Variants in LSM14A observed in about 807,000 individuals in gnomAD.
LSM14A encodes the protein LSM14A mRNA processing body assembly factor.
A neutral mutation model predicts 52.4 loss-of-function variants in LSM14A; 14 were observed. The observed-to-expected ratio is 0.27, with a 90% confidence interval of 0.18 to 0.42. The LOEUF is 0.42. Ranked by LOEUF, LSM14A falls within the 10% of genes least tolerant of loss-of-function variation. LSM14A has a pLI of 1.00. For synonymous variants in LSM14A, 185 were observed against 200.3 expected (o/e 0.92, Z 0.64); for missense variants, 417 against 581.8 (o/e 0.72, Z 2.91).
At chr19:34,182,595 TG>T (rs1222470688) in intron 1 of LSM14A, among the ~76,000 whole-genome samples, 1 of 149,908 alleles carries the variant, frequency 6.7e-6, no homozygotes, top group African/African-American at 2.5e-5. Flanking sequence ...CCTAACACTT[TG>T]GGAGGCCAAG....
At chr19:34,222,197 C>T (rs750688504) in intron 9 of LSM14A, among the ~76,000 whole-genome samples, 3 of 152,140 alleles carry the variant, frequency 2.0e-5, no homozygotes, top group Admixed American at 6.6e-5. Flanking sequence ...AAGTAACTTG[C>T]GAAAGGTCAC....
At chr19:34,221,792 CA>C (rs1433142671) in intron 9 of LSM14A, 54 bp downstream of exon 9, 4 of 1,555,656 alleles carry the variant, frequency 2.6e-6, no homozygotes, top group Non-Finnish European at 3.5e-6. Context: ...TTACAAGACT[CA>C]AAACATTTTT....
chr19:34,225,370 G>C (rs374870446), intron 9 of LSM14A, among the ~76,000 whole-genome samples: 2 of 152,172 alleles, frequency 1.3e-5, no homozygotes, highest in Non-Finnish European at 2.9e-5. Flanking sequence ...GTAGAAAATG[G>C]TGAGTGATCA....
intron 3 of LSM14A, among the ~76,000 whole-genome samples, chr19:34,198,354 C>T (rs934060356): frequency 2.0e-4 from 31 of 151,962 alleles, no homozygotes; most frequent in African/African-American, 6.5e-4. Flanking sequence ...CGGTGGCTCA[C>T]GCCTGTAATC....
At chr19:34,173,159 A>C (rs964895110) in intron 1 of LSM14A, among the ~76,000 whole-genome samples, 1 of 152,192 alleles carries the variant, frequency 6.6e-6, no homozygotes, top group African/African-American at 2.4e-5. Context: ...GGATGCGTTG[A>C]CTACACAGCA....
intron 3 of LSM14A, among the ~76,000 whole-genome samples, chr19:34,200,123 T>G (rs909781611): frequency 2.0e-5 from 3 of 152,200 alleles, no homozygotes; most frequent in Admixed American, 2.0e-4. Flanking sequence ...GAATCTAATT[T>G]TGAAGAAATG....
chr19:34,220,854 C>T (rs1377944959), intron 8 of LSM14A, among the ~76,000 whole-genome samples: 1 of 152,108 alleles, frequency 6.6e-6, no homozygotes, highest in East Asian at 1.9e-4. Flanking sequence ...ACAAGGCCTC[C>T]CTGTCTGACT....
At chr19:34,222,163 T>C (rs549745091) in intron 9 of LSM14A, among the ~76,000 whole-genome samples, 64 of 152,290 alleles carry the variant, frequency 4.2e-4, no homozygotes, top group Admixed American at 3.1e-3. Flanking sequence ...ATTTTACAAG[T>C]GAGGAAATGG....
intron 1 of LSM14A, among the ~76,000 whole-genome samples, chr19:34,193,173 T>C (rs2070578327): frequency 6.6e-6 from 1 of 152,180 alleles, no homozygotes; most frequent in Admixed American, 6.5e-5. Context: ...TTTATTTACT[T>C]ATTTTGAAAT....
At chr19:34,205,031 C>A (rs969561627) in intron 3 of LSM14A, among the ~76,000 whole-genome samples, 1 of 152,020 alleles carries the variant, frequency 6.6e-6, no homozygotes, top group African/African-American at 2.4e-5. Flanking sequence ...ATTTGGGAGG[C>A]GGAGGCAGGA....
chr19:34,189,656 G>T (rs931268504), intron 1 of LSM14A, among the ~76,000 whole-genome samples: 2 of 152,140 alleles, frequency 1.3e-5, no homozygotes, highest in African/African-American at 2.4e-5. Flanking sequence ...ACATAGTTCA[G>T]ATTTTGCCAG....
At position 34,215,162 on chromosome 19, in the gene LSM14A, C is replaced by G. The variant is rs993679658; in HGVS notation, c.577C>G (p.Pro193Ala). Residue 193 changes from proline to alanine, a missense_variant, in exon 5 of 10, where the codon CCA becomes GCA. Pro to Ala is a conservative substitution (Grantham distance 27). Coordinates refer to ENST00000544216, the MANE Select transcript of LSM14A (RefSeq NM_015578.4). ...SPQLDPLRKSPTMEQAVQTAS... is the reference protein window; with the variant it reads ...SPQLDPLRKSATMEQAVQTAS... The stretch of plus-strand genomic sequence containing the variant: ...TCAGTTAGACCCTTTGAGAAAAAGC[C>G]CAACCATGGAACAAGCAGTGCAGAC... 1 of 1,613,324 alleles carries G rather than the reference C, an allele frequency of 6.2e-7. No individual in the cohort carries two copies. The highest frequency in any genetic ancestry group is 1.3e-5 in the African/African-American group (1 of 74,832).
chr19:34,212,478 A>G (rs995108063), intron 4 of LSM14A, among the ~76,000 whole-genome samples: 4 of 152,234 alleles, frequency 2.6e-5, no homozygotes, highest in Non-Finnish European at 4.4e-5. Context: ...TTTTAAATAG[A>G]TTAAAATGTT....
intron 9 of LSM14A, among the ~76,000 whole-genome samples, chr19:34,225,598 A>G (rs1263751200): frequency 6.6e-6 from 1 of 152,214 alleles, no homozygotes; most frequent in Non-Finnish European, 1.5e-5. Flanking sequence ...AAAATCATAA[A>G]GTTTTAGAAT....
At chr19:34,187,248 CA>C (rs753895752) in intron 1 of LSM14A, among the ~76,000 whole-genome samples, 225 of 119,002 alleles carry the variant, frequency 1.9e-3, no homozygotes, top group East Asian at 4.5e-3. Flanking sequence ...GACTCGGTCT[CA>C]AAAAAAAAAA....
At chr19:34,174,657 A>AT (rs1252542143) in intron 1 of LSM14A, among the ~76,000 whole-genome samples, 1 of 152,100 alleles carries the variant, frequency 6.6e-6, no homozygotes, top group Non-Finnish European at 1.5e-5. Flanking sequence ...TTATTTTTAT[A>AT]TTTTTTATAC....
At chr19:34,187,295 T>C (rs1378856105) in intron 1 of LSM14A, among the ~76,000 whole-genome samples, 4 of 151,514 alleles carry the variant, frequency 2.6e-5, no homozygotes, top group Non-Finnish European at 5.9e-5. Context: ...TTTTTTTTTC[T>C]TTTGAGACAG....
chr19:34,227,383 G>A lies in LSM14A; in HGVS notation c.1387G>A (p.Ala463Thr), dbSNP rs1305209740. ...FEYRKDNKVA[A>T] ...TTTTTAGAAAGACAACAAAGTTGCT[G>A]CATAGTCTACAAACAAGTCTCTGAA... The change falls in exon 10 of 10, where the codon GCA (alanine) becomes ACA (threonine). Residue 463 changes from alanine to threonine, a missense_variant. By Grantham distance (58) the Ala-to-Thr change is moderately conservative (BLOSUM62 0). This residue lies in a region of LSM14A where 357 missense variants were observed against 457.0 expected (regional missense o/e 0.78). Coordinates refer to ENST00000544216, the MANE Select transcript of LSM14A (RefSeq NM_015578.4). 1.9e-6 allele frequency: 3 copies of A among 1,596,404 alleles called. No homozygotes were observed. Among genetic ancestry groups the A allele is most frequent in the Admixed American group, 1.8e-5 (1 of 56,764 alleles).
chr19:34,200,119 A>G (rs940720856), intron 3 of LSM14A, among the ~76,000 whole-genome samples: 4 of 152,164 alleles, frequency 2.6e-5, no homozygotes, highest in African/African-American at 9.7e-5. Flanking sequence ...TACAGAATCT[A>G]ATTTTGAAGA....
Sources: allele counts gnomAD v4.1 joint callset (sites outside exome capture counted in the v4.1 genomes callset), GRCh38; gene constraint gnomAD v4.1.1; regional missense constraint gnomAD v4.1.1; transcripts MANE v1.5; gene names NCBI Gene and HGNC (gene_info 2026-07-23, HGNC 2026-07-21).